TTN: variants seen among roughly 807,000 people sequenced by gnomAD.
TTN encodes the protein titin, also known as connectin.
Under a neutral mutation model 3,223.0 loss-of-function variants are expected in TTN, and 1,525 were observed. The observed-to-expected ratio is 0.47, with a 90% CI of 0.45 to 0.49. The LOEUF (loss-of-function observed/expected upper bound fraction) is 0.49, where lower values mean the gene tolerates loss of function less well. Ranked by LOEUF, TTN falls within the 20% of genes least tolerant of loss-of-function variation. TTN has a pLI of 0.00. For synonymous variants in TTN, 14,094 were observed against 15,161.0 expected, an observed-to-expected ratio of 0.93 and a Z score of 5.17; for missense variants, 40,786 against 43,424.0, an observed-to-expected ratio of 0.94 and a Z score of 5.40.
intron 6 of TTN, chr2:178,798,835 C>G (rs1427734366): frequency 6.5e-6 from 1 of 152,702 alleles, no homozygotes; most frequent in East Asian, 1.9e-4. Flanking sequence ...ACTTATTGCC[C>G]TAAATCAAAC....
Position 178,662,966 on chromosome 2 carries a change from C to A in TTN, c.36790G>T (p.Val12264Phe). 1.9e-6 allele frequency: 3 copies of A among 1,609,420 alleles called. No homozygotes were observed. Among genetic ancestry groups the A allele is most frequent in the Non-Finnish European group, 2.5e-6 (3 of 1,178,780 alleles). Residue 12264 changes from valine to phenylalanine, a missense_variant and splice_region_variant, in exon 174 of 363, where the codon GTT (valine) becomes TTT (phenylalanine). By Grantham distance (50) the Val-to-Phe change is conservative. Coordinates refer to ENST00000589042, the MANE Select transcript of TTN (RefSeq NM_001267550.2). ...AKKPEAPPPK[V>F]PEAPKEVVLE... ...ACTGACAATGTGTAATGATACCTAC[C>A]TTTAGGAGGTGGAGCTTCTGGCTTT...
Position 178,704,644 on chromosome 2 carries a change from G to A in TTN, c.29828C>T (p.Pro9943Leu). The A allele has an allele frequency of 6.2e-7, 1 of 1,612,308 alleles. No individual in the cohort carries two copies. The highest frequency in any genetic ancestry group is 1.1e-5 in the South Asian group (1 of 90,890). The part of the protein sequence containing the change: ...SWYKGTEKLE[P>L]SDKFEISIDG... ...AATGCTTATTTCAAATTTATCACTG[G>A]GTTCCAGTTTTTCAGTTCCTTTGTA... Residue 9943 changes from proline (P) to leucine (L), a missense_variant, in exon 105 of 363, where the codon CCC becomes CTC. Pro to Leu is a moderately conservative substitution (Grantham distance 98). Transcript: ENST00000589042.
Position 178,681,160 on chromosome 2 carries a change from G to A in TTN, c.33259C>T (p.Pro11087Ser). ...KPPPPKVPEE[P>S]KKVFEEKIRI... ...ATTTTTTCCTCAAAAACTTTCTTTG[G>A]TTCTTCAGGCACTTTAAAGATATTA... is the stretch of plus-strand genomic sequence containing the variant. Residue 11087 changes from proline to serine, a missense_variant, in exon 138 of 363, where the codon CCA (proline) becomes TCA (serine). Physicochemically the swap from Pro to Ser is moderately conservative, Grantham distance 74. Transcript: ENST00000589042. 2.5e-6 allele frequency: 4 copies of A among 1,601,892 alleles called. No homozygotes were observed. The highest frequency in any genetic ancestry group is 3.4e-6 in the Non-Finnish European group (4 of 1,176,170).
chr2:178,673,947 GTAAAT>G (rs2067502709), intron 151 of TTN, among the ~76,000 whole-genome samples: 1 of 151,558 alleles, frequency 6.6e-6, no homozygotes, highest in Non-Finnish European at 1.5e-5. Flanking sequence ...TTCAGGAATA[GTAAAT>G]TAAAGATTTT....
At chr2:178,583,370 AAT>A in intron 312 of TTN, 143 bp from the exon 313 acceptor site, 1 of 912,436 alleles carries the variant, frequency 1.1e-6, no homozygotes, top group Non-Finnish European at 1.5e-6. Flanking sequence ...TTAATAGACA[AAT>A]AATAACTGCA....
In TTN at chr2:178,773,668, A is replaced by G; in HGVS notation, c.7388T>C (p.Val2463Ala). The G allele has an allele frequency of 6.2e-7, 1 of 1,614,086 alleles. No individual in the cohort carries two copies. Among genetic ancestry groups the G allele is most frequent in the Middle Eastern group, 1.6e-4 (1 of 6,062 alleles). ...DVNVIEGTKA[V>A]LECKVSVPDV... The stretch of plus-strand genomic sequence containing the variant: ...AGGGACTGACACCTTACATTCAAGC[A>G]CAGCCTTGGTGCCTTCAATCACATT... The change falls in exon 32 of 363, where the codon GTG (valine) becomes GCG (alanine). Residue 2463 changes from valine (V) to alanine (A), a missense_variant. Physicochemically the swap from Val to Ala is moderately conservative, Grantham distance 64. Coordinates refer to ENST00000589042, the MANE Select transcript of TTN (RefSeq NM_001267550.2).
rs183923129 is a variant in TTN, at chr2:178,528,831, C to T, written c.106920G>A (p.Leu35640=). The T allele has an allele frequency of 9.3e-4, 1,506 of 1,613,946 alleles. No homozygotes were observed. The highest frequency in any genetic ancestry group is 1.2e-3 in the Non-Finnish European group (1,407 of 1,179,864). The change falls in exon 360 of 363, where the codon CTG becomes CTA. Residue 35640 remains leucine, a synonymous_variant. Transcript: ENST00000589042. ...IAGATDVKWV[L]NGVELTNSEE... ...CAGAGTTGGTAAGCTCTACGCCATTCAGTACCCATTTCACATCAGTGGCAC... is the reference window on the plus strand; with the variant it reads ...CAGAGTTGGTAAGCTCTACGCCATTTAGTACCCATTTCACATCAGTGGCAC...
At position 178,571,261 on chromosome 2, in the gene TTN, C is replaced by T; in HGVS notation, c.74871G>A (p.Lys24957=). 1 of 1,613,534 alleles carries T rather than the reference C, an allele frequency of 6.2e-7. No individual in the cohort carries two copies. Among genetic ancestry groups the T allele is most frequent in the Non-Finnish European group, 8.5e-7 (1 of 1,179,642 alleles). Residue 24957 remains lysine (K), a synonymous_variant, in exon 326 of 363, where the codon AAG becomes AAA. Transcript: ENST00000589042. ...TTTGAGGAATAGGTGTTTTATTCAA[C>T]TTAACCCAGAGGATGCTATTTCTTT... ...RKERNSILWV[K]LNKTPIPQTK... is the part of the protein sequence containing the mutation.
At position 178,567,212 on chromosome 2, in the gene TTN, G is replaced by C; in HGVS notation, c.78920C>G (p.Thr26307Arg). The C allele has an allele frequency of 6.2e-7, 1 of 1,610,606 alleles. No individual in the cohort carries two copies. The highest frequency in any genetic ancestry group is 2.2e-5 in the East Asian group (1 of 44,800). The change falls in exon 326 of 363, where the codon ACA becomes AGA. Residue 26307 changes from threonine (T) to arginine (R), a missense_variant. Coordinates refer to ENST00000589042, the MANE Select transcript of TTN (RefSeq NM_001267550.2). The part of the protein sequence containing the change: ...TGVTSEKCSL[T>R]WSPPLQDGGS... ...ACCATCTTGAAGTGGTGGAGACCATGTTAAAGAGCATTTTTCAGAAGTGAC... is the reference window on the plus strand; with the variant it reads ...ACCATCTTGAAGTGGTGGAGACCATCTTAAAGAGCATTTTTCAGAAGTGAC...
Position 178,588,644 on chromosome 2 carries a change from A to G in TTN, c.63081T>C (p.Asn21027=), listed in dbSNP as rs1367355118. Residue 21027 remains asparagine (N), a synonymous_variant, in exon 304 of 363, where the codon AAT becomes AAC. Coordinates refer to ENST00000589042, the MANE Select transcript of TTN (RefSeq NM_001267550.2). ...AIPERRMKVQ[N]LLPDHEYQFR... is the part of the protein sequence containing the mutation. ...ACTGATATTCATGGTCTGGGAGGAG[A>G]TTCTGTACTTTCATACGTCTCTCAG... The G allele has an allele frequency of 6.2e-7, 1 of 1,608,470 alleles. No individual in the cohort carries two copies. The highest frequency in any genetic ancestry group is 1.3e-5 in the African/African-American group (1 of 74,560).
intron 47 of TTN, chr2:178,750,133 T>C: frequency 1.2e-6 from 2 of 1,613,158 alleles, no homozygotes; most frequent in South Asian, 1.1e-5. Context: ...AGGGAGGAAC[T>C]GGTGGGTTAG....
intron 50 of TTN, 129 bp from the exon 51 acceptor site, chr2:178,735,117 CTGTGGTGCATTTAATAGG>C: frequency 9.5e-7 from 1 of 1,048,564 alleles, no homozygotes; most frequent in Non-Finnish European, 1.3e-6. Context: ...TCTGTAAAAG[CTGTGGTGCATTTAATAGG>C]TTCCTATCAT....
At chr2:178,691,698 T>C (rs2154279876) in intron 121 of TTN, among the ~76,000 whole-genome samples, 1 of 152,322 alleles carries the variant, frequency 6.6e-6, no homozygotes, top group African/African-American at 2.4e-5. Flanking sequence ...AAAGGTTTTT[T>C]CCTAGAAACA....
At position 178,604,026 on chromosome 2, in the gene TTN, T is replaced by C. The variant is rs375091820; in HGVS notation, c.54661A>G (p.Ile18221Val). 23 of 1,612,992 alleles carry C rather than the reference T, an allele frequency of 1.4e-5. No individual in the cohort carries two copies. Among genetic ancestry groups the C allele is most frequent in the South Asian group, 6.6e-5 (6 of 91,028 alleles). Residue 18221 changes from isoleucine to valine, a missense_variant, in exon 282 of 363, where the codon ATA becomes GTA. Coordinates refer to ENST00000589042, the MANE Select transcript of TTN (RefSeq NM_001267550.2). ...PYWSRVSRAP[I>V]TKVGLKGVEF... is the part of the protein sequence containing the mutation. ...ACGCCTTTCAATCCCACTTTGGTTA[T>C]TGGTGCTCGGCTAACACGTGACCAA...
Position 178,802,161 on chromosome 2 carries a change from C to T in TTN, c.272G>A (p.Ser91Asn). 1 of 1,614,096 alleles carries T rather than the reference C, an allele frequency of 6.2e-7. No individual in the cohort carries two copies. Among genetic ancestry groups the T allele is most frequent in the Non-Finnish European group, 8.5e-7 (1 of 1,179,974 alleles). ...KATNGSGQAT[S>N]TAELLVKAET... The stretch of plus-strand genomic sequence containing the variant: ...ACCTTTCACGAGAAGCTCAGCAGTA[C>T]TAGTCGCTTGTCCAGATCCATTGGT... Residue 91 changes from serine to asparagine, a missense_variant, in exon 3 of 363, where the codon AGT becomes AAT. Transcript: ENST00000589042.
In TTN at chr2:178,719,224, T is replaced by A; in HGVS notation, c.24166A>T (p.Thr8056Ser). Residue 8056 changes from threonine (T) to serine (S), a missense_variant, in exon 83 of 363, where the codon ACG becomes TCG. Transcript: ENST00000589042. ...CCAGCTACATTGGCAGCCACACACGTGTATATGCCTGTGTCGGAGGGCTCC... is the reference window on the plus strand; with the variant it reads ...CCAGCTACATTGGCAGCCACACACGAGTATATGCCTGTGTCGGAGGGCTCC... ...LLEPSDTGIY[T>S]CVAANVAGSD... is the part of the protein sequence containing the mutation. The A allele has an allele frequency of 6.2e-7, 1 of 1,613,704 alleles. No homozygotes were observed. Among genetic ancestry groups the A allele is most frequent in the Non-Finnish European group, 8.5e-7 (1 of 1,179,732 alleles).
rs369707906 is a variant in TTN at position 178,569,210 on chromosome 2, C to T, written c.76922G>A (p.Arg25641His). 798 of 1,606,956 alleles carry T rather than the reference C, an allele frequency of 5.0e-4. 12 individuals carry two copies. In the South Asian group the frequency reaches 5.8e-3, roughly 12 times the overall value. The change falls in exon 326 of 363, where the codon CGT (arginine) becomes CAT (histidine). Residue 25641 changes from arginine to histidine, a missense_variant. Arg to His is a conservative substitution (Grantham distance 29, BLOSUM62 0). Transcript: ENST00000589042. ...AGCATATGATTTTCTTGTGGCTTCA[C>T]GTTTCTCAACAATGTAATTTTTTAT... is the stretch of plus-strand genomic sequence containing the variant. ...SKIKNYIVEKREATRKSYAAV... is the reference protein window; with the variant it reads ...SKIKNYIVEKHEATRKSYAAV...
intron 265 of TTN, 28 bp from the exon 266 acceptor site, chr2:178,612,604 CA>C (rs1469840486): frequency 1.9e-6 from 3 of 1,561,802 alleles, no homozygotes; most frequent in Non-Finnish European, 2.6e-6. Flanking sequence ...AAAACAAATT[CA>C]TTTTTTTTTT....
rs764657858 is a variant in TTN, at chr2:178,568,759, G to A, written c.77373C>T (p.Ala25791=). 1.2e-6 allele frequency: 2 copies of A among 1,612,774 alleles called. No individual in the cohort carries two copies. Among genetic ancestry groups the A allele is most frequent in the Non-Finnish European group, 1.7e-6 (2 of 1,179,272 alleles). ...CATCTGGCTCAATTACCAGATCTTT[G>A]GCAACTATTGGAACTGCAAGGGACC... is the stretch of plus-strand genomic sequence containing the variant. ...DPRSLAVPIV[A]KDLVIEPDVK... is the part of the protein sequence containing the mutation. Residue 25791 remains alanine, a synonymous_variant, in exon 326 of 363, where the codon GCC becomes GCT. Transcript: ENST00000589042.
Sources: allele counts gnomAD v4.1 joint callset (sites outside exome capture counted in the v4.1 genomes callset), GRCh38; gene constraint gnomAD v4.1.1; transcripts MANE v1.5; gene names NCBI Gene and HGNC (gene_info 2026-07-23, HGNC 2026-07-21).